Variants in C2CD3 observed in about 807,000 individuals in gnomAD.
C2CD3 encodes C2 domain-containing protein 3.
In C2CD3, 148 loss-of-function variants were observed where a neutral mutation model predicts 234.0. That is an observed-to-expected ratio of 0.63 (90% CI 0.55 to 0.72). The LOEUF (loss-of-function observed/expected upper bound fraction) is 0.72, where lower values mean the gene tolerates loss of function less well. Among genes scored for constraint, C2CD3 ranks in the 30% least tolerant of loss-of-function variants. The pLI is 0.00. For synonymous variants in C2CD3, 1,000 were observed against 1,035.4 expected (o/e 0.97, Z 0.66); for missense variants, 2,577 against 2,811.5 (o/e 0.92, Z 1.89).
At chr11:74,124,283 C>A (rs1028514411) in intron 7 of C2CD3, among the ~76,000 whole-genome samples, 15 of 152,100 alleles carry the variant, frequency 9.9e-5, no homozygotes, top group Admixed American at 9.8e-4. Context: ...CTTAATTTCT[C>A]AAGAAAATAG....
Position 74,078,141 on chromosome 11 carries a change from C to T in C2CD3, c.4577G>A (p.Arg1526Lys). ...AYVDLARLGE[R>K]SARTLTVSGV... is the part of the protein sequence containing the mutation. ...ACTGACAGTTAGCGTCCTCGCTGACCTCTCCCCAAGTCTGGCCAGGTCCAC... is the reference window on the plus strand; with the variant it reads ...ACTGACAGTTAGCGTCCTCGCTGACTTCTCCCCAAGTCTGGCCAGGTCCAC... The change falls in exon 23 of 33, where the codon AGG becomes AAG. Residue 1526 changes from arginine to lysine, a missense_variant. Physicochemically the swap from Arg to Lys is conservative, Grantham distance 26. Transcript: ENST00000334126. 1.9e-6 allele frequency: 3 copies of T among 1,613,768 alleles called. No individual in the cohort carries two copies. The highest frequency in any genetic ancestry group is 2.5e-6 in the Non-Finnish European group (3 of 1,179,888).
intron 24 of C2CD3, among the ~76,000 whole-genome samples, chr11:74,066,280 A>T (rs1309025267): frequency 0.019 from 83 of 4,454 alleles, no homozygotes; most frequent in Non-Finnish European, 0.03. Context: ...GGGGAGGGAT[A>T]GTGTTAGGAG....
intron 24 of C2CD3, among the ~76,000 whole-genome samples, chr11:74,067,249 C>T (rs1439320836): frequency 6.6e-6 from 1 of 151,332 alleles, no homozygotes; most frequent in Non-Finnish European, 1.5e-5. Flanking sequence ...GGAAGGAGAA[C>T]TGAAGAGAAA....
chr11:74,049,583 T>C, intron 26 of C2CD3, 41 bp from the exon 27 acceptor site: 1 of 1,524,472 alleles, frequency 6.6e-7, no homozygotes, highest in Non-Finnish European at 9.1e-7. Flanking sequence ...TGGCTAGGCA[T>C]GTCCTGCCAC....
intron 32 of C2CD3, among the ~76,000 whole-genome samples, chr11:74,023,276 G>C (rs1399201951): frequency 6.6e-6 from 1 of 152,240 alleles, no homozygotes; most frequent in Non-Finnish European, 1.5e-5. Flanking sequence ...TGACCCGGAA[G>C]CAGATCAGCT....
At chr11:74,135,024 T>A (rs1957814735) in intron 5 of C2CD3, among the ~76,000 whole-genome samples, 1 of 152,056 alleles carries the variant, frequency 6.6e-6, no homozygotes, top group Non-Finnish European at 1.5e-5. Context: ...TTTGTTACTA[T>A]AAAGAGGTCA....
Position 74,114,632 on chromosome 11 carries a change from C to T in C2CD3, c.1521-39G>A, listed in dbSNP as rs376686920. Reference sequence around the variant, plus strand: ...ACACAAGCAGTGAGGCATACTGCTACAGGCTTCACATGAAACAATCTAGTT... The same window carrying T: ...ACACAAGCAGTGAGGCATACTGCTATAGGCTTCACATGAAACAATCTAGTT... On this transcript the variant is annotated intron_variant, in intron 9 of 32. Coordinates refer to ENST00000334126, the MANE Select transcript of C2CD3 (RefSeq NM_001286577.2). The T allele has an allele frequency of 1.3e-5, 16 of 1,238,830 alleles. No individual in the cohort carries two copies. The Admixed American group carries it at 1.3e-4, about 10-fold the overall frequency. The allele number at this position is 1,238,830 out of a possible 1,614,324, so 76.7% of individuals were successfully genotyped here. A position where few individuals can be genotyped will look rare whatever the true frequency, so the allele number is the denominator to read the frequency against.
chr11:74,102,646 C>T (rs758793536), intron 14 of C2CD3, among the ~76,000 whole-genome samples: 3 of 152,158 alleles, frequency 2.0e-5, no homozygotes, highest in Non-Finnish European at 4.4e-5. Flanking sequence ...TGAAAAAGAA[C>T]AGCTTTGAGT....
chr11:74,014,320 C>T (rs1951802983), intron 32 of C2CD3, among the ~76,000 whole-genome samples: 1 of 152,192 alleles, frequency 6.6e-6, no homozygotes. Flanking sequence ...TGGGAGCAGC[C>T]TCCACAGGCA....
At position 74,074,332 on chromosome 11, in the gene C2CD3, C is replaced by A. The variant is rs745601290; in HGVS notation, c.4872G>T (p.Thr1624=). The A allele has an allele frequency of 3.1e-6, 5 of 1,614,112 alleles. No homozygotes were observed. Among genetic ancestry groups the A allele is most frequent in the Non-Finnish European group, 4.2e-6 (5 of 1,180,044 alleles). Residue 1624 remains threonine (T), a synonymous_variant, in exon 24 of 33, where the codon ACG becomes ACT. Transcript: ENST00000334126. ...CSSTTAEVRL[T]QEGPADLDGT... Reference sequence around the variant, plus strand: ...CATCCAAATCAGCAGGGCCCTCCTGCGTCAGGCGGACTTCAGCTGTGGTGC... The same window carrying A: ...CATCCAAATCAGCAGGGCCCTCCTGAGTCAGGCGGACTTCAGCTGTGGTGC...
intron 3 of C2CD3, among the ~76,000 whole-genome samples, chr11:74,151,648 A>G (rs1028286427): frequency 3.2e-4 from 48 of 152,054 alleles, no homozygotes; most frequent in Middle Eastern, 3.4e-3. Flanking sequence ...TTAAAGGGGG[A>G]AAAAAAATAA....
chr11:74,028,228 C>A lies in C2CD3; in HGVS notation c.6921+59G>T, dbSNP rs1952382878. ...CTGGGGCAGCTCTGCATTCTGTGCACACTTCTGTGGAAGAGATGATGACTC... is the reference window on the plus strand; with the variant it reads ...CTGGGGCAGCTCTGCATTCTGTGCAAACTTCTGTGGAAGAGATGATGACTC... On this transcript the variant is annotated intron_variant, in intron 32 of 32. Transcript: ENST00000334126. 3.2e-6 allele frequency: 4 copies of A among 1,246,834 alleles called. No individual in the cohort carries two copies. In the Admixed American group the frequency reaches 6.3e-5, roughly 20 times the overall value. The allele number at this position is 1,246,834 out of a possible 1,614,324, so 77.2% of individuals were successfully genotyped here.
At chr11:74,103,044 T>TATTTAAGACGAAA (rs1187847434) in intron 14 of C2CD3, 87 bp downstream of exon 14, 14 of 1,337,478 alleles carry the variant, frequency 1.0e-5, no homozygotes, top group Non-Finnish European at 1.2e-5. Context: ...GTCTGAACAT[T>TATTTAAGACGAAA]CTAGATTTAA....
intron 3 of C2CD3, among the ~76,000 whole-genome samples, chr11:74,155,365 TAG>T (rs1349361200): frequency 6.6e-6 from 1 of 152,110 alleles, no homozygotes; most frequent in Non-Finnish European, 1.5e-5. Flanking sequence ...AAGTTAAAAA[TAG>T]AGTTACCATA....
At chr11:74,130,695 G>T (rs1204677014) in intron 7 of C2CD3, among the ~76,000 whole-genome samples, 3 of 152,052 alleles carry the variant, frequency 2.0e-5, no homozygotes, top group African/African-American at 4.8e-5. Context: ...CTATTCCATT[G>T]ATTTATATGT....
At chr11:74,077,032 A>G (rs1037055479) in intron 23 of C2CD3, among the ~76,000 whole-genome samples, 20 of 152,232 alleles carry the variant, frequency 1.3e-4, no homozygotes, top group African/African-American at 4.8e-4. Flanking sequence ...GTACTAAACA[A>G]ATGTTTGAAA....
chr11:74,114,426 C>A lies in C2CD3; in HGVS notation c.1688G>T (p.Ser563Ile). 6.2e-7 allele frequency: 1 copy of A among 1,613,684 alleles called. No individual in the cohort carries two copies. The highest frequency in any genetic ancestry group is 2.2e-5 in the East Asian group (1 of 44,848). ...CACCTTAGGTGGTGGACCAGCATAG[C>A]TTTTTTTGCCAGGGGTCATCTGAGG... is the stretch of plus-strand genomic sequence containing the variant. ...DSPQMTPGKK[S>I]YAGPPPKVTT... The change falls in exon 10 of 33, where the codon AGC (serine) becomes ATC (isoleucine). Residue 563 changes from serine to isoleucine, a missense_variant. Physicochemically the swap from Ser to Ile is moderately radical, Grantham distance 142 (BLOSUM62 -2). Coordinates refer to ENST00000334126, the MANE Select transcript of C2CD3 (RefSeq NM_001286577.2).
Position 74,098,356 on chromosome 11 carries a change from T to G in C2CD3, c.2733-101A>C. ...TTTTTTCAGTTTGTTAAAAATAGATTTGCAACTGGAAAAGTAATAGTGGTT... is the reference window on the plus strand; with the variant it reads ...TTTTTTCAGTTTGTTAAAAATAGATGTGCAACTGGAAAAGTAATAGTGGTT... On this transcript the variant is annotated intron_variant, in intron 15 of 32. Transcript: ENST00000334126. 1.5e-5 allele frequency: 19 copies of G among 1,241,878 alleles called. No individual in the cohort carries two copies. In the South Asian group the frequency reaches 2.4e-4, roughly 16 times the overall value. The allele number at this position is 1,241,878 out of a possible 1,614,324, so 76.9% of individuals were successfully genotyped here.
rs776545230 is a variant in C2CD3, at chr11:74,161,487, T to C, written c.395A>G (p.Asn132Ser). 6 of 1,602,476 alleles carry C rather than the reference T, an allele frequency of 3.7e-6. No homozygotes were observed. The highest frequency in any genetic ancestry group is 1.7e-4 in the Middle Eastern group (1 of 6,042). ...GGTTGGAGAAAGTTGAGCTAGTCCA[T>C]TGATCTGAACTCTACCAATTGGAAG... ...DGLPIGRVQI[N>S]GLAQLSPTHQ... The change falls in exon 3 of 33, where the codon AAT becomes AGT. Residue 132 changes from asparagine (N) to serine (S), a missense_variant. By Grantham distance (46) the Asn-to-Ser change is conservative. Coordinates refer to ENST00000334126, the MANE Select transcript of C2CD3 (RefSeq NM_001286577.2).
Sources: gnomAD v4.1 joint callset for allele counts (sites outside exome capture counted in the v4.1 genomes callset) on GRCh38, gnomAD v4.1.1 for gene constraint, MANE v1.5 for transcripts, NCBI Gene and HGNC (gene_info 2026-07-23, HGNC 2026-07-21) for gene names.